Variants in GMNC observed in about 807,000 individuals in gnomAD.
GMNC encodes the protein geminin coiled-coil domain containing.
GMNC carries 16 observed loss-of-function variants against 33.6 expected under a neutral mutation model. The ratio of observed to expected loss-of-function variants is 0.48; its 90% CI spans 0.32 to 0.72. GMNC has a LOEUF of 0.72. GMNC is among the 30% of genes least tolerant of loss of function. GMNC has a pLI of 0.03. For synonymous variants in GMNC, 156 were observed against 147.3 expected (o/e 1.06, Z -0.43); for missense variants, 393 against 388.9 (o/e 1.01, Z -0.09).
the GMNC span, among the ~76,000 whole-genome samples, chr3:190,844,388 A>T: frequency 2.0e-5 from 3 of 151,818 alleles, no homozygotes; most frequent in Non-Finnish European, 2.9e-5. Flanking sequence ...TACACATTTT[A>T]AAATTAAATC....
At chr3:190,856,363 A>G (rs1444156436) in intron 4 of GMNC, among the ~76,000 whole-genome samples, 2 of 142,414 alleles carry the variant, frequency 1.4e-5, no homozygotes, top group Non-Finnish European at 3.0e-5. Context: ...ATATATTTAT[A>G]AATATTTAGA....
intron 2 of GMNC, 143 bp downstream of exon 2, chr3:190,860,541 G>A: frequency 3.1e-6 from 2 of 653,404 alleles, no homozygotes; most frequent in Admixed American, 3.0e-5. Flanking sequence ...CAGGCTTTAT[G>A]ACTGTAAAAA....
In GMNC at chr3:190,861,425, A is replaced by G. The variant is rs538646167; in HGVS notation, c.4-567T>C. Among the ~76,000 whole-genome samples the G allele has an allele frequency of 6.6e-5, 10 of 150,946 alleles. No individual in the cohort carries two copies. The East Asian group carries it at 2.0e-3, about 31-fold the overall frequency. On this transcript the variant is annotated intron_variant, in intron 1 of 4. Transcript: ENST00000442080. This position sits in a 1 kb window ranked among gnomAD's most constrained non-coding sequence, Gnocchi z 5.1. ...CATACTGCTGGCTCATAGTCCATCA[A>G]TCTATCTGTCTGTCTGTCTGTCTGC...
intron 4 of GMNC, among the ~76,000 whole-genome samples, chr3:190,856,177 T>C (rs1253328834): frequency 6.7e-6 from 1 of 149,796 alleles, no homozygotes; most frequent in Non-Finnish European, 1.5e-5. Flanking sequence ...ATAACAATAA[T>C]AGCACTATCA....
At chr3:190,859,067 T>C in intron 2 of GMNC, 51 bp from the exon 3 acceptor site, 2 of 1,133,594 alleles carry the variant, frequency 1.8e-6, no homozygotes, top group East Asian at 2.6e-5. Flanking sequence ...AGTTTCTGTG[T>C]AATAAAGAAA....
intron 2 of GMNC, among the ~76,000 whole-genome samples, chr3:190,860,285 G>C (rs978279292): frequency 6.6e-6 from 1 of 152,130 alleles, no homozygotes; most frequent in African/African-American, 2.4e-5. Context: ...TAAAAATTAA[G>C]TTAGTATTTC....
At position 190,861,833 on chromosome 3, in the gene GMNC, T is replaced by G. The variant is rs551570950; in HGVS notation, c.3+780A>C. On this transcript the variant is annotated intron_variant, in intron 1 of 4. Coordinates refer to ENST00000442080, the MANE Select transcript of GMNC (RefSeq NM_001146686.3). The surrounding 1 kb of genome is among the most constrained non-coding windows in gnomAD (Gnocchi z 5.1). ...AATTTGTACAACACCAAATTTAAAT[T>G]ATTTGTCAATGTTTAATCAGGTAAA... Among the ~76,000 whole-genome samples the G allele has an allele frequency of 6.6e-6, 1 of 152,160 alleles. No homozygotes were observed. The highest frequency in any genetic ancestry group is 1.9e-4 in the East Asian group (1 of 5,190).
At position 190,855,885 on chromosome 3, in the gene GMNC, C is replaced by T. The variant is rs139904413; in HGVS notation, c.415G>A (p.Ala139Thr). Residue 139 changes from alanine (A) to threonine (T), a missense_variant, in exon 5 of 5, where the codon GCA (alanine) becomes ACA (threonine). Coordinates refer to ENST00000442080, the MANE Select transcript of GMNC (RefSeq NM_001146686.3). ...TTCCCCTTCCTGAATTTTCCATATG[C>T]TTTGGAGAACTCATCAGATGAGAGC... ...KLLSSDEFSK[A>T]YGKFRKGKRK... 16 of 1,550,446 alleles carry T rather than the reference C, an allele frequency of 1.0e-5. No individual in the cohort carries two copies. The East Asian group carries it at 3.7e-4, about 36-fold the overall frequency.
chr3:190,857,998 G>C, intron 3 of GMNC, 99 bp from the exon 4 acceptor site: 1 of 719,056 alleles, frequency 1.4e-6, no homozygotes, highest in East Asian at 2.7e-5. Flanking sequence ...CTTGATGATT[G>C]TTTGTTGTAT....
chr3:190,856,031 T>C lies in GMNC; in HGVS notation c.385-116A>G. On this transcript the variant is annotated intron_variant, in intron 4 of 4. Transcript: ENST00000442080. ...CACAAGTAAGATGGATTGGATTAGC[T>C]TGTTTGTAAAGTAAAATCTGTGATG... 6.6e-6 allele frequency: 5 copies of C among 754,920 alleles called. No individual in the cohort carries two copies. The South Asian group carries it at 8.7e-5, about 13-fold the overall frequency. The allele number at this position is 754,920 out of a possible 1,614,324, so 46.8% of individuals were successfully genotyped here. A position where few individuals can be genotyped will look rare whatever the true frequency, so the allele number is the denominator to read the frequency against.
At chr3:190,856,257 A>G (rs1050112156) in intron 4 of GMNC, among the ~76,000 whole-genome samples, 2 of 145,822 alleles carry the variant, frequency 1.4e-5, no homozygotes, top group African/African-American at 2.5e-5. Context: ...ATTTATAAAT[A>G]TTTATAAATA....
chr3:190,862,485 T>C lies in GMNC; in HGVS notation c.3+128A>G, dbSNP rs1018933971. ...AAGAGACACAGGGCAGCAGAGAGGA[T>C]CTGTTTTAACTGGCGGGTAGCGGAG... On this transcript the variant is annotated intron_variant, in intron 1 of 4. Coordinates refer to ENST00000442080, the MANE Select transcript of GMNC (RefSeq NM_001146686.3). This position sits in a 1 kb window ranked among gnomAD's most constrained non-coding sequence, Gnocchi z 4.5. 2.0e-5 allele frequency: 15 copies of C among 741,236 alleles called. No homozygotes were observed. The East Asian group carries it at 4.0e-4, about 20-fold the overall frequency. The allele number at this position is 741,236 out of a possible 1,614,324, so 45.9% of individuals were successfully genotyped here. A position where few individuals can be genotyped will look rare whatever the true frequency, so the allele number is the denominator to read the frequency against.
downstream of GMNC, among the ~76,000 whole-genome samples, chr3:190,850,695 G>C (rs916514933): frequency 6.6e-6 from 1 of 152,018 alleles, no homozygotes; most frequent in Non-Finnish European, 1.5e-5. Context: ...TTTCCTATTC[G>C]TGTGACAAAA....
the GMNC span, among the ~76,000 whole-genome samples, chr3:190,843,417 T>C: frequency 2.6e-5 from 4 of 152,138 alleles, no homozygotes; most frequent in Admixed American, 2.6e-4. Flanking sequence ...AACTCGACCA[T>C]AAACAAGCTA....
chr3:190,849,911 G>A (rs767493033), downstream of GMNC, among the ~76,000 whole-genome samples: 9 of 152,172 alleles, frequency 5.9e-5, no homozygotes, highest in African/African-American at 9.7e-5. Context: ...TTTATTTTCC[G>A]TATTAAAGGA....
chr3:190,855,535 G>T lies in GMNC; in HGVS notation c.765C>A (p.Ser255Arg). 3 of 1,551,690 alleles carry T rather than the reference G, an allele frequency of 1.9e-6. No homozygotes were observed. In the South Asian group the frequency reaches 3.6e-5, roughly 18 times the overall value. ...GGAAATCTTCTCCATGAGTGGCAGTGCTGTGCAAGGGGGTTGTTCTGTCAC... is the reference window on the plus strand; with the variant it reads ...GGAAATCTTCTCCATGAGTGGCAGTTCTGTGCAAGGGGGTTGTTCTGTCAC... ...YRGDRTTPLH[S>R]TATHGEDFHI... Residue 255 changes from serine to arginine, a missense_variant, in exon 5 of 5, where the codon AGC becomes AGA. Ser to Arg is a moderately radical substitution (Grantham distance 110). Coordinates refer to ENST00000442080, the MANE Select transcript of GMNC (RefSeq NM_001146686.3).
chr3:190,856,648 T>A (rs994056678), intron 4 of GMNC, among the ~76,000 whole-genome samples: 6 of 151,346 alleles, frequency 4.0e-5, no homozygotes, highest in Non-Finnish European at 3.0e-5. Context: ...GATATATTAA[T>A]GACTTGCTGA....
the GMNC span, among the ~76,000 whole-genome samples, chr3:190,846,606 G>A: frequency 2.6e-5 from 4 of 152,162 alleles, no homozygotes; most frequent in South Asian, 2.1e-4. Flanking sequence ...GCTGATAAGC[G>A]CCTAATGATT....
chr3:190,862,620 C>A lies in GMNC; in HGVS notation c.-5G>T, dbSNP rs779214865. ...CGCCAGTTCCTCACTTACCATCTTG[C>A]AGTGGAAGAAAGCGCTGCAGAAACT... On this transcript the variant is annotated 5_prime_UTR_variant, in exon 1 of 5. Transcript: ENST00000442080. This position sits in a 1 kb window ranked among gnomAD's most constrained non-coding sequence, Gnocchi z 4.5. The A allele has an allele frequency of 1.1e-5, 17 of 1,551,968 alleles. No homozygotes were observed. The South Asian group carries it at 1.8e-4, about 16-fold the overall frequency.
Sources: allele counts gnomAD v4.1 joint callset (sites outside exome capture counted in the v4.1 genomes callset), GRCh38; gene constraint gnomAD v4.1.1; non-coding constraint Gnocchi (gnomAD v3.1); transcripts MANE v1.5; gene names NCBI Gene and HGNC (gene_info 2026-07-23, HGNC 2026-07-21).